The following RGPD5 variants were observed in gnomAD, a reference collection of about 807,000 sequenced individuals.
RGPD5 encodes the protein RANBP2-like and GRIP domain-containing protein 5/6.
At chr2:109,767,334 A>G in the RGPD5 span, among the ~76,000 whole-genome samples, 1 of 149,452 alleles carries the variant, frequency 6.7e-6, no homozygotes, top group Non-Finnish European at 1.5e-5. Context: ...TTAGTCGTGC[A>G]TCATAGTCCA....
intron 1 of RGPD5, 73 bp downstream of exon 1, chr2:109,794,610 G>GCGGCCGGA (rs1481533589): frequency 5.3e-6 from 1 of 189,728 alleles, no homozygotes; most frequent in Non-Finnish European, 7.3e-6. Flanking sequence ...GGCGGCGGCG[G>GCGGCCGGA]GGGGGGCGGC....
At chr2:109,766,148 T>C in the RGPD5 span, among the ~76,000 whole-genome samples, 21 of 150,930 alleles carry the variant, frequency 1.4e-4, no homozygotes, top group Non-Finnish European at 1.0e-4. Context: ...TGCGTGGCTC[T>C]CATTGGCCCT....
At chr2:109,764,545 T>C in the RGPD5 span, among the ~76,000 whole-genome samples, 4 of 149,928 alleles carry the variant, frequency 2.7e-5, 1 homozygote, top group African/African-American at 9.8e-5. Flanking sequence ...TACATATTAG[T>C]GTTATTGTCA....
At chr2:109,767,408 A>G in the RGPD5 span, among the ~76,000 whole-genome samples, 3 of 141,032 alleles carry the variant, frequency 2.1e-5, no homozygotes, top group African/African-American at 7.8e-5. Flanking sequence ...TAACCATTAC[A>G]TAATCTTTTA....
At chr2:109,780,125 C>CT in the RGPD5 span, among the ~76,000 whole-genome samples, 2 of 94,016 alleles carry the variant, frequency 2.1e-5, no homozygotes, top group African/African-American at 8.8e-5. Flanking sequence ...TGATATTTTT[C>CT]TTTAGTTTAT....
the RGPD5 span, among the ~76,000 whole-genome samples, chr2:109,774,499 CATAT>C: frequency 2.3e-3 from 4 of 1,710 alleles, 2 homozygotes; most frequent in Non-Finnish European, 5.6e-3. Flanking sequence ...CAAAAACAAA[CATAT>C]ATATATATAT....
the RGPD5 span, among the ~76,000 whole-genome samples, chr2:109,761,308 G>C: frequency 6.6e-6 from 1 of 150,656 alleles, no homozygotes; most frequent in Non-Finnish European, 1.5e-5. Flanking sequence ...TGAACATCCA[G>C]GGCGGGAAAC....
the RGPD5 span, among the ~76,000 whole-genome samples, chr2:109,772,860 G>GT: frequency 7.0e-6 from 1 of 143,162 alleles, no homozygotes; most frequent in African/African-American, 2.7e-5. Context: ...GTAGAGAGCT[G>GT]TTGGGGGCAT....
At chr2:109,761,426 C>T in the RGPD5 span, among the ~76,000 whole-genome samples, 29 of 150,296 alleles carry the variant, frequency 1.9e-4, 1 homozygote, top group African/African-American at 6.6e-4. Flanking sequence ...CACAGTTGCA[C>T]TCCTCCTCCC....
chr2:109,773,366 TCCCA>T, the RGPD5 span, among the ~76,000 whole-genome samples: 1 of 131,720 alleles, frequency 7.6e-6, no homozygotes, highest in Admixed American at 7.8e-5. Flanking sequence ...CTATGCGTGT[TCCCA>T]CTCTTGAGGG....
chr2:109,766,527 T>G, the RGPD5 span, among the ~76,000 whole-genome samples: 2 of 150,494 alleles, frequency 1.3e-5, no homozygotes, highest in East Asian at 4.0e-4. Context: ...AGATGAGTAT[T>G]GTGTGTGGGG....
the RGPD5 span, among the ~76,000 whole-genome samples, chr2:109,763,485 T>C: frequency 6.7e-6 from 1 of 150,124 alleles, no homozygotes; most frequent in South Asian, 2.2e-4. Context: ...ACTTCACATA[T>C]CTCTCAGCTT....
the RGPD5 span, among the ~76,000 whole-genome samples, chr2:109,771,487 C>T: frequency 6.1e-5 from 6 of 98,984 alleles, 1 homozygote; most frequent in South Asian, 3.8e-4. Flanking sequence ...GACAGCTCAG[C>T]GGGTAACACC....
chr2:109,773,189 A>AAGT, the RGPD5 span, among the ~76,000 whole-genome samples: 1 of 151,394 alleles, frequency 6.6e-6, no homozygotes, highest in African/African-American at 2.4e-5. Flanking sequence ...AGAGAATGAG[A>AAGT]AGTAGGCTGC....
chr2:109,794,608 C>CCG (rs1442404835), intron 1 of RGPD5, 71 bp downstream of exon 1: 15,774 of 192,272 alleles, frequency 0.082, 2,847 homozygotes, highest in South Asian at 0.11. Flanking sequence ...GCGGCGGCGG[C>CCG]GGGGGGGGCG....
chr2:109,794,570 TC>T (rs1676847681), intron 1 of RGPD5, 33 bp downstream of exon 1: 1 of 81,632 alleles, frequency 1.2e-5, no homozygotes, highest in Non-Finnish European at 1.4e-5. Flanking sequence ...GACGGCGGCC[TC>T]GACCCGGCCG....
chr2:109,764,268 C>T, the RGPD5 span, among the ~76,000 whole-genome samples: 4 of 148,264 alleles, frequency 2.7e-5, 1 homozygote, highest in East Asian at 6.4e-4. Flanking sequence ...TTGGGCATTC[C>T]GTGAGTTTAC....
At chr2:109,760,758 C>T in the RGPD5 span, among the ~76,000 whole-genome samples, 3 of 143,698 alleles carry the variant, frequency 2.1e-5, no homozygotes, top group African/African-American at 7.5e-5. Flanking sequence ...GGAATGGGAC[C>T]TCGAGTCACT....
At chr2:109,771,359 T>G in the RGPD5 span, among the ~76,000 whole-genome samples, 1 of 80,622 alleles carries the variant, frequency 1.2e-5, no homozygotes, top group South Asian at 5.3e-4. Context: ...GTGGATAAAG[T>G]CCGTTCTGCC....
Sources: allele counts gnomAD v4.1 joint callset (sites outside exome capture counted in the v4.1 genomes callset), GRCh38; gene constraint gnomAD v4.1.1; transcripts MANE v1.5; gene names NCBI Gene and HGNC (gene_info 2026-07-23, HGNC 2026-07-21).